SIPA1L3: variants seen among roughly 807,000 people sequenced by gnomAD.
SIPA1L3 encodes the protein signal-induced proliferation-associated 1-like protein 3.
In SIPA1L3, 59 loss-of-function variants were observed where a neutral mutation model predicts 150.1. The observed-to-expected ratio is 0.39, with a 90% confidence interval of 0.32 to 0.49. The LOEUF (loss-of-function observed/expected upper bound fraction) is 0.49, where lower values mean the gene tolerates loss of function less well. SIPA1L3 is among the 20% of genes least tolerant of loss of function. The pLI, the probability that SIPA1L3 is intolerant of heterozygous loss-of-function variation, is 0.86. For missense variants in SIPA1L3, 2,211 were observed against 2,489.5 expected, an observed-to-expected ratio of 0.89 and a Z score of 2.38; for synonymous variants, 1,070 against 1,077.6, an observed-to-expected ratio of 0.99 and a Z score of 0.14.
intron 1 of SIPA1L3, among the ~76,000 whole-genome samples, chr19:37,998,834 A>G (rs945209105): frequency 1.3e-5 from 2 of 152,178 alleles, no homozygotes; most frequent in African/African-American, 4.8e-5. Context: ...AAAAGGGGGG[A>G]AAAGGAAGAA....
intron 1 of SIPA1L3, among the ~76,000 whole-genome samples, chr19:37,978,826 T>C (rs1281697893): frequency 1.3e-5 from 2 of 151,436 alleles, no homozygotes; most frequent in African/African-American, 4.9e-5. Flanking sequence ...AATTTAAAAA[T>C]TAGCTGGGTA....
rs1190245460 is a variant in SIPA1L3, at chr19:38,207,971, C to T, written c.*1731C>T. The T allele has an allele frequency of 2.0e-5, 3 of 152,048 alleles. No homozygotes were observed. The highest frequency in any genetic ancestry group is 4.4e-5 in the Non-Finnish European group (3 of 67,932). The allele number at this position is 152,048 out of a possible 1,614,324, so 9.4% of individuals were successfully genotyped here. A position where few individuals can be genotyped will look rare whatever the true frequency, so the allele number is the denominator to read the frequency against. On this transcript the variant is annotated 3_prime_UTR_variant, in exon 22 of 22. Coordinates refer to ENST00000222345, the MANE Select transcript of SIPA1L3 (RefSeq NM_015073.3). The stretch of plus-strand genomic sequence containing the variant: ...ACTGTGATGCCATCTTCTCCCCCAT[C>T]CCCTTCTCTGGGGGGCCCACCCGTC...
chr19:38,137,647 A>G (rs1971464128), intron 10 of SIPA1L3, among the ~76,000 whole-genome samples: 1 of 151,912 alleles, frequency 6.6e-6, no homozygotes, highest in African/African-American at 2.4e-5. Flanking sequence ...TTTATATTTT[A>G]ATTATTATTT....
At chr19:38,085,664 C>G (rs1184304516) in intron 3 of SIPA1L3, among the ~76,000 whole-genome samples, 1 of 152,112 alleles carries the variant, frequency 6.6e-6, no homozygotes, top group Non-Finnish European at 1.5e-5. Flanking sequence ...CTTCGTATAC[C>G]TGGCAACTTG....
chr19:38,186,041 T>C (rs1321444279), intron 16 of SIPA1L3: 1 of 152,452 alleles, frequency 6.6e-6, no homozygotes, highest in Non-Finnish European at 1.5e-5. Context: ...CTTGGCAACT[T>C]GCTTCCTCTC....
Position 38,141,259 on chromosome 19 carries a change from GC to G in SIPA1L3, c.3225del (p.Tyr1076ThrfsTer35). ...AGGAAAGCATCACTCCTGGGGGCCG[GC>G]CCCCCTACCGCAGCAATGCTCCCTG... The part of the protein sequence containing the change: ...EQESITPGGR[P>X]PYRSNAPWQW... On this transcript the variant is annotated frameshift_variant, in exon 11 of 22. Transcript: ENST00000222345. LOFTEE classifies it high-confidence loss of function. 6.2e-7 allele frequency: 1 copy of G among 1,613,480 alleles called. No individual in the cohort carries two copies.
intron 6 of SIPA1L3, among the ~76,000 whole-genome samples, chr19:38,103,982 A>AGCTGG (rs1327279800): frequency 6.6e-6 from 1 of 151,798 alleles, no homozygotes; most frequent in Non-Finnish European, 1.5e-5. Flanking sequence ...CATGAGAAGT[A>AGCTGG]GCTGGGTGGG....
intron 1 of SIPA1L3, among the ~76,000 whole-genome samples, chr19:37,925,775 G>A (rs189341488): frequency 2.5e-4 from 38 of 152,010 alleles, no homozygotes; most frequent in Admixed American, 2.2e-3. Context: ...TGTATTTTTA[G>A]TAGAGATGGG....
chr19:38,163,349 G>T (rs1354763426), intron 14 of SIPA1L3, among the ~76,000 whole-genome samples: 1 of 152,068 alleles, frequency 6.6e-6, no homozygotes, highest in Admixed American at 6.6e-5. Context: ...AATTAGCCAG[G>T]CGTGGTGGCA....
At chr19:37,983,346 C>T (rs1411220334) in intron 1 of SIPA1L3, among the ~76,000 whole-genome samples, 1 of 152,222 alleles carries the variant, frequency 6.6e-6, no homozygotes, top group Non-Finnish European at 1.5e-5. Flanking sequence ...CTGCACCTCT[C>T]AGGACCTCAG....
chr19:38,126,197 A>C (rs928635634), intron 9 of SIPA1L3, among the ~76,000 whole-genome samples: 2 of 151,074 alleles, frequency 1.3e-5, no homozygotes, highest in Non-Finnish European at 2.9e-5. Flanking sequence ...AAAAACAAAA[A>C]CAAAACAAAA....
intron 16 of SIPA1L3, chr19:38,184,888 A>G (rs1408222254): frequency 6.6e-6 from 1 of 152,328 alleles, no homozygotes; most frequent in Non-Finnish European, 1.5e-5. Context: ...ACCAGGCGCC[A>G]TGTTCTTTGC....
At chr19:38,041,234 G>A (rs1282448786) in intron 2 of SIPA1L3, among the ~76,000 whole-genome samples, 1 of 143,962 alleles carries the variant, frequency 6.9e-6, no homozygotes, top group Non-Finnish European at 1.5e-5. Flanking sequence ...AGCCTCCTCA[G>A]TAGCTGGGAT....
intron 4 of SIPA1L3, among the ~76,000 whole-genome samples, chr19:38,098,709 C>T (rs1970435033): frequency 6.6e-6 from 1 of 152,142 alleles, no homozygotes; most frequent in African/African-American, 2.4e-5. Flanking sequence ...CCTCACCAAG[C>T]ACAATTCTCC....
intron 12 of SIPA1L3, among the ~76,000 whole-genome samples, chr19:38,151,296 T>C (rs1232263579): frequency 6.6e-6 from 1 of 152,210 alleles, no homozygotes. Context: ...CAGCAACGTT[T>C]ATTTCTCAGC....
At chr19:37,908,931 G>T (rs957827237) in intron 1 of SIPA1L3, among the ~76,000 whole-genome samples, 3 of 152,132 alleles carry the variant, frequency 2.0e-5, no homozygotes, top group Middle Eastern at 3.2e-3. Context: ...CAGATGTGGA[G>T]CCTGTGCTTC....
intron 1 of SIPA1L3, among the ~76,000 whole-genome samples, chr19:37,939,460 T>C (rs939106815): frequency 1.3e-5 from 2 of 148,834 alleles, no homozygotes; most frequent in African/African-American, 5.0e-5. Flanking sequence ...TTCAACAAAG[T>C]GACAGTGGCC....
intron 3 of SIPA1L3, 78 bp from the exon 4 acceptor site, chr19:38,088,643 T>C: frequency 6.5e-7 from 1 of 1,549,934 alleles, no homozygotes. Context: ...CTGGTCGCCC[T>C]GTCTGCAGGC....
chr19:38,130,316 C>G (rs938127413), intron 9 of SIPA1L3, among the ~76,000 whole-genome samples, 182 bp from the exon 10 acceptor site: 1 of 152,236 alleles, frequency 6.6e-6, no homozygotes, highest in Admixed American at 6.5e-5. Context: ...CTCCAGAAAT[C>G]AGGAAGCCAG....
Sources: allele counts gnomAD v4.1 joint callset (sites outside exome capture counted in the v4.1 genomes callset), GRCh38; gene constraint gnomAD v4.1.1; transcripts MANE v1.5; gene names NCBI Gene and HGNC (gene_info 2026-07-23, HGNC 2026-07-21).